The following SLC44A2 variants were observed in gnomAD, a reference collection of about 807,000 sequenced individuals.
SLC44A2 encodes choline transporter-like protein 2.
In SLC44A2, 57 loss-of-function variants were observed where a neutral mutation model predicts 90.8. The observed-to-expected ratio is 0.63, with a 90% CI of 0.51 to 0.78. The LOEUF is 0.78. Among genes scored for constraint, SLC44A2 ranks in the 30% least tolerant of loss-of-function variants. SLC44A2 has a pLI of 0.00. For synonymous variants in SLC44A2, 355 were observed against 360.7 expected (o/e 0.98, Z 0.18); for missense variants, 794 against 919.7 (o/e 0.86, Z 1.77).
intron 1 of SLC44A2, among the ~76,000 whole-genome samples, chr19:10,620,069 G>T (rs971708092): frequency 7.2e-5 from 11 of 152,112 alleles, no homozygotes; most frequent in African/African-American, 2.7e-4. Flanking sequence ...CCAGCTACTC[G>T]AGAGGCTGAG....
At chr19:10,614,691 C>T (rs1218831979) in intron 1 of SLC44A2, among the ~76,000 whole-genome samples, 1 of 152,048 alleles carries the variant, frequency 6.6e-6, no homozygotes, top group Non-Finnish European at 1.5e-5. Flanking sequence ...GAAAATGTGG[C>T]TGGGCGCGGT....
intron 1 of SLC44A2, among the ~76,000 whole-genome samples, chr19:10,613,167 C>T (rs1343833808): frequency 6.6e-6 from 1 of 152,074 alleles, no homozygotes; most frequent in Non-Finnish European, 1.5e-5. Context: ...AAGCGATTCT[C>T]CCACCTCAGC....
chr19:10,635,464 G>A lies in SLC44A2; in HGVS notation c.1182G>A (p.Lys394=). The A allele has an allele frequency of 6.2e-7, 1 of 1,614,036 alleles. No individual in the cohort carries two copies. The highest frequency in any genetic ancestry group is 8.5e-7 in the Non-Finnish European group (1 of 1,180,010). ...CCACTTCCAACGAAGCGGTCTATAAGATCTTTGATGACAGCCCCTGCCCAT... is the reference window on the plus strand; with the variant it reads ...CCACTTCCAACGAAGCGGTCTATAAAATCTTTGATGACAGCCCCTGCCCAT... ...FLSTSNEAVY[K]IFDDSPCPFT... The change falls in exon 14 of 22, where the codon AAG becomes AAA. Residue 394 remains lysine, a synonymous_variant. Coordinates refer to ENST00000335757, the MANE Select transcript of SLC44A2 (RefSeq NM_020428.4).
chr19:10,636,692 G>C lies in SLC44A2; in HGVS notation c.1527G>C (p.Ala509=), dbSNP rs141614645. The change falls in exon 16 of 22, where the codon GCG becomes GCC. Residue 509 remains alanine (A), a synonymous_variant. Coordinates refer to ENST00000335757, the MANE Select transcript of SLC44A2 (RefSeq NM_020428.4). ...RYHTGSLAFG[A]LILAIVQIIR... is the part of the protein sequence containing the mutation. ...ACACAGGCTCCCTGGCCTTTGGCGC[G>C]CTCATCCTGGCCATTGTGCAGATCA... 2 of 1,613,818 alleles carry C rather than the reference G, an allele frequency of 1.2e-6. No individual in the cohort carries two copies. Among genetic ancestry groups the C allele is most frequent in the East Asian group, 4.5e-5 (2 of 44,872 alleles).
At chr19:10,607,205 G>A (rs1568441131) in intron 1 of SLC44A2, among the ~76,000 whole-genome samples, 1 of 151,794 alleles carries the variant, frequency 6.6e-6, no homozygotes, top group Non-Finnish European at 1.5e-5. Context: ...GAGCCACCTC[G>A]CCCGGCCTCT....
intron 20 of SLC44A2, among the ~76,000 whole-genome samples, chr19:10,639,484 A>C (rs1428901785): frequency 1.3e-5 from 2 of 152,086 alleles, no homozygotes; most frequent in Non-Finnish European, 2.9e-5. Flanking sequence ...TGGATCTGAG[A>C]TCTGAAGCTG....
intron 1 of SLC44A2, among the ~76,000 whole-genome samples, chr19:10,612,922 G>A (rs748763610): frequency 6.6e-6 from 1 of 152,194 alleles, no homozygotes; most frequent in Non-Finnish European, 1.5e-5. Context: ...GCTCCAGCAG[G>A]GCGTTGGTTT....
At chr19:10,621,658 G>T (rs1474405569), upstream of SLC44A2, among the ~76,000 whole-genome samples, 2 of 151,802 alleles carry the variant, frequency 1.3e-5, no homozygotes, top group Non-Finnish European at 2.9e-5. Flanking sequence ...CACTCTTGTT[G>T]CCCAGACTGG....
intron 1 of SLC44A2, among the ~76,000 whole-genome samples, chr19:10,617,461 T>C (rs561264419): frequency 6.6e-6 from 1 of 150,862 alleles, no homozygotes; most frequent in African/African-American, 2.5e-5. Context: ...GGCACCTCTC[T>C]CTGCATTTTC....
upstream of SLC44A2, chr19:10,602,465 G>A: frequency 8.9e-7 from 1 of 1,121,676 alleles, no homozygotes; most frequent in Non-Finnish European, 1.1e-6. Flanking sequence ...GCAGCCCGCG[G>A]AGCCTCCCGC....
intron 1 of SLC44A2, 24 bp downstream of exon 1, chr19:10,625,694 GC>G: frequency 8.0e-7 from 1 of 1,247,936 alleles, no homozygotes. Flanking sequence ...CCCGCCCGTA[GC>G]CCCGGGCCGA....
At chr19:10,642,293 T>C in intron 20 of SLC44A2, 74 bp from the exon 21 acceptor site, 2 of 1,273,618 alleles carry the variant, frequency 1.6e-6, no homozygotes, top group African/African-American at 1.5e-5. Flanking sequence ...GGTCCCAGCA[T>C]AGGATGGACT....
intron 14 of SLC44A2, 104 bp from the exon 15 acceptor site, chr19:10,636,219 C>G: frequency 7.4e-7 from 1 of 1,345,078 alleles, no homozygotes; most frequent in Non-Finnish European, 1.0e-6. Flanking sequence ...CCCTATGTCT[C>G]CTGTCCTACC....
intron 10 of SLC44A2, 64 bp from the exon 11 acceptor site, chr19:10,634,692 T>C: frequency 1.9e-6 from 3 of 1,609,076 alleles, no homozygotes; most frequent in Non-Finnish European, 2.6e-6. Flanking sequence ...ATGGGGGCAG[T>C]TGTAGCTGCT....
chr19:10,602,571 G>T, intron 1 of SLC44A2: 1 of 1,269,732 alleles, frequency 7.9e-7, no homozygotes, highest in South Asian at 3.1e-5. Flanking sequence ...GGTAGGAGCC[G>T]CCTCCGGTCA....
upstream of SLC44A2, among the ~76,000 whole-genome samples, chr19:10,620,661 C>T (rs1456669528): frequency 6.6e-6 from 1 of 152,138 alleles, no homozygotes; most frequent in Admixed American, 6.6e-5. Context: ...ATGAAAGACA[C>T]ACAAATCCCT....
rs1560710 is a variant in SLC44A2 at position 10,631,767 on chromosome 19, C to A, written c.626+18C>A. The A allele has an allele frequency of 3.7e-6, 6 of 1,613,816 alleles. No individual in the cohort carries two copies. The highest frequency in any genetic ancestry group is 3.3e-5 in the Admixed American group (2 of 59,984). Reference sequence around the variant, plus strand: ...GGCGCCAAGTGAGGATATTGGCGCACCGCGCCAGGGTCTCACTTTGCTGGG... The same window carrying A: ...GGCGCCAAGTGAGGATATTGGCGCAACGCGCCAGGGTCTCACTTTGCTGGG... On this transcript the variant is annotated intron_variant, in intron 8 of 21. Coordinates refer to ENST00000335757, the MANE Select transcript of SLC44A2 (RefSeq NM_020428.4).
chr19:10,603,210 C>G (rs887745395), intron 1 of SLC44A2, among the ~76,000 whole-genome samples: 14 of 152,304 alleles, frequency 9.2e-5, no homozygotes, highest in African/African-American at 3.4e-4. Flanking sequence ...CTTCCTCCGG[C>G]GAACCTCTTG....
chr19:10,626,598 A>G (rs923213362), intron 2 of SLC44A2, among the ~76,000 whole-genome samples: 3 of 109,692 alleles, frequency 2.7e-5, no homozygotes, highest in African/African-American at 6.9e-5. Flanking sequence ...TTTTTTTTGT[A>G]CTTTTAGCAG....
Sources: allele counts gnomAD v4.1 joint callset (sites outside exome capture counted in the v4.1 genomes callset), GRCh38; gene constraint gnomAD v4.1.1; transcripts MANE v1.5; gene names NCBI Gene and HGNC (gene_info 2026-07-23, HGNC 2026-07-21).